Variants in PI4KA observed in about 807,000 individuals in gnomAD.
PI4KA encodes PI4-kinase alpha.
Under a neutral mutation model 271.4 loss-of-function variants are expected in PI4KA, and 122 were observed. The observed-to-expected ratio is 0.45, with a 90% CI of 0.39 to 0.52. The LOEUF is 0.52. Among genes scored for constraint, PI4KA ranks in the 20% least tolerant of loss-of-function variants. PI4KA has a pLI of 0.00. For synonymous variants in PI4KA, 1,041 were observed against 1,078.8 expected, an observed-to-expected ratio of 0.96 and a Z score of 0.69; for missense variants, 1,969 against 2,769.1, an observed-to-expected ratio of 0.71 and a Z score of 6.48.
At chr22:20,796,109 A>T in intron 18 of PI4KA, 37 bp downstream of exon 18, 1 of 1,586,038 alleles carries the variant, frequency 6.3e-7, no homozygotes, top group Non-Finnish European at 8.7e-7. Flanking sequence ...CAGGGATAGG[A>T]CACTGATGGG....
intron 32 of PI4KA, among the ~76,000 whole-genome samples, chr22:20,736,063 C>T (rs1272604926): frequency 2.0e-5 from 3 of 152,116 alleles, no homozygotes; most frequent in Non-Finnish European, 4.4e-5. Context: ...AAATAAGCTA[C>T]ACACACTGAG....
In PI4KA at chr22:20,791,458, A is replaced by AAAAATC. The variant is rs572028868; in HGVS notation, c.2328+1729_2328+1734dup. ...ACACAGTGGGAAAATTTCTGTTTTG[A>AAAAATC]AAAATCAACCAATGGGGCCAGGCAT... On this transcript the variant is annotated intron_variant, in intron 19 of 54. Coordinates refer to ENST00000255882, the MANE Select transcript of PI4KA (RefSeq NM_058004.4). Among the ~76,000 whole-genome samples the AAAAATC allele has an allele frequency of 3.0e-3, 460 of 152,302 alleles. 4 individuals carry two copies. Among genetic ancestry groups the AAAAATC allele is most frequent in the African/African-American group, 0.011 (445 of 41,568 alleles).
chr22:20,708,182 A>T, intron 54 of PI4KA, 84 bp from the exon 55 acceptor site: 1 of 1,052,628 alleles, frequency 9.5e-7, no homozygotes. Context: ...CTACCTGTCC[A>T]ATCAGCCCCT....
At chr22:20,846,742 C>T (rs1926308746) in intron 1 of PI4KA, among the ~76,000 whole-genome samples, 1 of 147,192 alleles carries the variant, frequency 6.8e-6, no homozygotes, top group African/African-American at 2.5e-5. Flanking sequence ...AATCAGGAGG[C>T]TGAGGCAAGA....
At position 20,742,634 on chromosome 22, in the gene PI4KA, A is replaced by G; in HGVS notation, c.3587T>C (p.Leu1196Pro). The G allele has an allele frequency of 6.2e-7, 1 of 1,614,198 alleles. No individual in the cohort carries two copies. Among genetic ancestry groups the G allele is most frequent in the Non-Finnish European group, 8.5e-7 (1 of 1,180,030 alleles). Reference protein sequence around the residue: ...PQHYTQAMFKLTAMLISSKDC... With the variant: ...PQHYTQAMFKPTAMLISSKDC... ...TTTACTGCTAATGAGCATTGCGGTC[A>G]GCTTGAACATGGCCTGCGTGTAGTG... Residue 1196 changes from leucine to proline, a missense_variant, in exon 31 of 55, where the codon CTG becomes CCG. Physicochemically the swap from Leu to Pro is moderately conservative, Grantham distance 98. This residue lies in a region of PI4KA where 203 missense variants were observed against 256.8 expected (regional missense o/e 0.79). Transcript: ENST00000255882.
At chr22:20,750,200 T>C (rs1244388716) in intron 27 of PI4KA, among the ~76,000 whole-genome samples, 6 of 152,190 alleles carry the variant, frequency 3.9e-5, no homozygotes, top group African/African-American at 1.4e-4. Flanking sequence ...CCTGATCCAA[T>C]CTGGCCAGTA....
intron 19 of PI4KA, among the ~76,000 whole-genome samples, chr22:20,790,741 CAA>C (rs1491254275): frequency 3.1e-4 from 41 of 130,354 alleles, no homozygotes; most frequent in African/African-American, 6.2e-4. Flanking sequence ...CACACACACA[CAA>C]CAAAAAAAAC....
Position 20,743,041 on chromosome 22 carries a change from C to T in PI4KA, c.3457-277G>A, listed in dbSNP as rs1356149265. 1.1e-5 allele frequency: 5 copies of T among 471,380 alleles called. No homozygotes were observed. In the East Asian group the frequency reaches 1.8e-4, roughly 17 times the overall value. 29.2% of individuals were successfully genotyped at this position (471,380 alleles called of 1,614,324 possible). A position where few individuals can be genotyped will look rare whatever the true frequency, so the allele number is the denominator to read the frequency against. On this transcript the variant is annotated intron_variant, in intron 30 of 54. Transcript: ENST00000255882. ...GGGAACCTTGTCCCTCATCATTGTA[C>T]CCAGCAGTGAGCCCGGGGTCTGACC...
chr22:20,727,538 G>T, intron 40 of PI4KA, 141 bp from the exon 41 acceptor site: 1 of 837,968 alleles, frequency 1.2e-6, no homozygotes, highest in Non-Finnish European at 1.8e-6. Flanking sequence ...CTTCTGATGT[G>T]TTATGGAAAA....
At chr22:20,711,627 C>G (rs1245282154) in intron 50 of PI4KA, 166 bp from the exon 51 acceptor site, 1 of 726,626 alleles carries the variant, frequency 1.4e-6, no homozygotes, top group African/African-American at 1.8e-5. Context: ...GCAGGAGTGA[C>G]AGGGGCTCTC....
intron 54 of PI4KA, 121 bp from the exon 55 acceptor site, chr22:20,708,219 A>G: frequency 1.2e-6 from 1 of 810,472 alleles, no homozygotes; most frequent in Non-Finnish European, 2.2e-6. Flanking sequence ...CTGAAGGTAC[A>G]AATGTCCCAG....
chr22:20,761,289 T>C lies in PI4KA; in HGVS notation c.2791+15A>G. Reference sequence around the variant, plus strand: ...AGCTCAATTCATCATGAAAGCACCATAATAATGAGCTTACCAGATTTGTCT... The same window carrying C: ...AGCTCAATTCATCATGAAAGCACCACAATAATGAGCTTACCAGATTTGTCT... On this transcript the variant is annotated intron_variant, in intron 23 of 54. Transcript: ENST00000255882. 6.7e-7 allele frequency: 1 copy of C among 1,493,270 alleles called. No individual in the cohort carries two copies. The highest frequency in any genetic ancestry group is 9.3e-7 in the Non-Finnish European group (1 of 1,069,928). 92.5% of individuals were successfully genotyped at this position (1,493,270 alleles called of 1,614,324 possible).
At chr22:20,825,758 G>A (rs1923326293) in intron 3 of PI4KA, among the ~76,000 whole-genome samples, 1 of 152,254 alleles carries the variant, frequency 6.6e-6, no homozygotes, top group South Asian at 2.1e-4. Context: ...AGGTTCAGGG[G>A]TACATACGCA....
chr22:20,768,958 A>T (rs925954255), intron 19 of PI4KA, among the ~76,000 whole-genome samples: 3 of 152,186 alleles, frequency 2.0e-5, no homozygotes, highest in Non-Finnish European at 2.9e-5. Flanking sequence ...CTCTGAAGTG[A>T]CCGGCCTCCC....
At chr22:20,827,541 T>C (rs925368888) in intron 3 of PI4KA, among the ~76,000 whole-genome samples, 9 of 152,192 alleles carry the variant, frequency 5.9e-5, no homozygotes, top group African/African-American at 2.2e-4. Flanking sequence ...GGCTCTTTTT[T>C]GGTTCCATAA....
chr22:20,721,496 C>T (rs373503029), intron 42 of PI4KA, 78 bp from the exon 43 acceptor site: 26 of 1,510,044 alleles, frequency 1.7e-5, no homozygotes, highest in East Asian at 4.5e-5. Flanking sequence ...TGCTGACTCC[C>T]GGCATTTGGT....
intron 19 of PI4KA, among the ~76,000 whole-genome samples, chr22:20,777,373 C>T (rs954915822): frequency 7.2e-5 from 11 of 152,024 alleles, no homozygotes; most frequent in East Asian, 1.9e-4. Context: ...TGCGCCACCA[C>T]GCCGGCTAAT....
At chr22:20,808,522 G>A (rs1431839133) in intron 9 of PI4KA, among the ~76,000 whole-genome samples, 7 of 150,040 alleles carry the variant, frequency 4.7e-5, no homozygotes, top group African/African-American at 1.5e-4. Flanking sequence ...CCTGGGAGGC[G>A]GAGCTTGCAG....
intron 23 of PI4KA, among the ~76,000 whole-genome samples, chr22:20,759,963 G>C (rs1487936176): frequency 2.6e-5 from 4 of 152,102 alleles, no homozygotes; most frequent in African/African-American, 9.7e-5. Flanking sequence ...GCTTCCCAAA[G>C]TGCTGGGATT....
Sources: allele counts gnomAD v4.1 joint callset (sites outside exome capture counted in the v4.1 genomes callset), GRCh38; gene constraint gnomAD v4.1.1; regional missense constraint gnomAD v4.1.1; transcripts MANE v1.5; gene names NCBI Gene and HGNC (gene_info 2026-07-23, HGNC 2026-07-21).